SP2: variants seen among roughly 807,000 people sequenced by gnomAD.
SP2 encodes the protein transcription factor Sp2.
SP2 carries 9 observed loss-of-function variants against 50.1 expected under a neutral mutation model. The observed-to-expected ratio is 0.18, with a 90% CI of 0.11 to 0.31. The LOEUF (loss-of-function observed/expected upper bound fraction) is 0.31, where lower values mean the gene tolerates loss of function less well. SP2 is among the 10% of genes least tolerant of loss of function. SP2 has a pLI of 1.00. For synonymous variants in SP2, 313 were observed against 326.6 expected (o/e 0.96, Z 0.45); for missense variants, 581 against 806.5 (o/e 0.72, Z 3.39).
intron 1 of SP2, among the ~76,000 whole-genome samples, chr17:47,911,453 C>T (rs1391566218): frequency 2.7e-5 from 4 of 146,268 alleles, no homozygotes; most frequent in Non-Finnish European, 5.9e-5. Context: ...GCAGAGGTTG[C>T]AGTGAACCAA....
chr17:47,900,091 C>A (rs886667101), intron 1 of SP2: 1 of 152,240 alleles, frequency 6.6e-6, no homozygotes, highest in African/African-American at 2.4e-5. Context: ...CTCTGAGATA[C>A]CAGTTTGTCC....
chr17:47,915,701 G>A (rs571062049), intron 2 of SP2, among the ~76,000 whole-genome samples: 6 of 152,060 alleles, frequency 3.9e-5, no homozygotes, highest in Middle Eastern at 3.2e-3. Flanking sequence ...TACATGTTCC[G>A]AGTACTAAAA....
At chr17:47,924,534 T>C (rs1320557716) in intron 4 of SP2, among the ~76,000 whole-genome samples, 1 of 152,194 alleles carries the variant, frequency 6.6e-6, no homozygotes, top group Non-Finnish European at 1.5e-5. Context: ...AAGAAATGTC[T>C]TAAGACCCTT....
chr17:47,902,893 T>A (rs924597760), intron 1 of SP2, among the ~76,000 whole-genome samples: 1 of 152,172 alleles, frequency 6.6e-6, no homozygotes. Flanking sequence ...GGAGCTGGGA[T>A]TACAGGCGGG....
At chr17:47,903,830 G>A (rs1028657189) in intron 1 of SP2, among the ~76,000 whole-genome samples, 2 of 152,030 alleles carry the variant, frequency 1.3e-5, no homozygotes, top group Non-Finnish European at 2.9e-5. Flanking sequence ...CGGGCGTGGT[G>A]GCACACGCCT....
At chr17:47,923,813 T>A (rs1450055251) in intron 4 of SP2, among the ~76,000 whole-genome samples, 2 of 151,914 alleles carry the variant, frequency 1.3e-5, no homozygotes, top group Admixed American at 6.6e-5. Flanking sequence ...GTGCGATCTC[T>A]GCTTCAGCCT....
rs777589552 is a variant in SP2, at chr17:47,927,863, C to G, written c.*39C>G. ...GGGAGGCCCTGAAGATGCAGTCCCC[C>G]ACCTGTGTCCTCCCTGGGCCCCTGG... is the stretch of plus-strand genomic sequence containing the variant. On this transcript the variant is annotated 3_prime_UTR_variant, in exon 7 of 7. Transcript: ENST00000376741. The G allele has an allele frequency of 7.3e-6, 9 of 1,233,934 alleles. No homozygotes were observed. Among genetic ancestry groups the G allele is most frequent in the Admixed American group, 2.0e-5 (1 of 50,884 alleles). 76.4% of individuals were successfully genotyped at this position (1,233,934 alleles called of 1,614,324 possible).
intron 5 of SP2, 74 bp from the exon 6 acceptor site, chr17:47,925,274 G>C: frequency 6.8e-7 from 1 of 1,479,726 alleles, no homozygotes; most frequent in Non-Finnish European, 9.3e-7. Context: ...ACTGCATCCT[G>C]TTCCTGCCCC....
intron 1 of SP2, chr17:47,909,616 A>T: frequency 1.5e-6 from 1 of 674,592 alleles, no homozygotes; most frequent in Non-Finnish European, 1.8e-6. Context: ...ATAAATTATT[A>T]GAGCCTCACA....
rs538684782 is a variant in SP2 at position 47,902,739 on chromosome 17, A to G, written c.7+6446A>G. On this transcript the variant is annotated intron_variant, in intron 1 of 6. Transcript: ENST00000376741. ...AATATCGGGAGCACTGTTTGGGGCT[A>G]GTTAGATTTTTGTTTTGTTTTGTTT... 1.1e-4 allele frequency among the ~76,000 whole-genome samples: 16 copies of G among 152,212 alleles called. No individual in the cohort carries two copies. In the South Asian group the frequency reaches 2.9e-3, roughly 28 times the overall value.
intron 1 of SP2, chr17:47,898,788 G>A (rs1432762675): frequency 6.6e-6 from 1 of 152,208 alleles, no homozygotes; most frequent in African/African-American, 2.4e-5. Context: ...ACACTTCTGA[G>A]TTTACAAGAT....
chr17:47,930,121 A>C (rs1331140136), downstream of SP2: 2 of 152,312 alleles, frequency 1.3e-5, no homozygotes, highest in Non-Finnish European at 2.9e-5. Context: ...TTGACACAGA[A>C]GCCTCTTCCT....
chr17:47,911,565 T>C (rs148511946), intron 1 of SP2, among the ~76,000 whole-genome samples: 2 of 151,518 alleles, frequency 1.3e-5, no homozygotes, highest in African/African-American at 4.8e-5. Flanking sequence ...TCCCAGCACT[T>C]TGGGAGGCCA....
chr17:47,926,107 G>C (rs1357792465), intron 6 of SP2, among the ~76,000 whole-genome samples: 1 of 151,326 alleles, frequency 6.6e-6, no homozygotes, highest in Non-Finnish European at 1.5e-5. Flanking sequence ...AGTAGAGACG[G>C]GGTTTCACCA....
chr17:47,927,656 C>T, intron 6 of SP2, 68 bp from the exon 7 acceptor site: 1 of 1,095,624 alleles, frequency 9.1e-7, no homozygotes, highest in Admixed American at 2.0e-5. Flanking sequence ...CACACGCACC[C>T]CACCTTTTTG....
At chr17:47,902,490 C>T (rs548032709) in intron 1 of SP2, among the ~76,000 whole-genome samples, 7 of 152,128 alleles carry the variant, frequency 4.6e-5, no homozygotes, top group South Asian at 2.1e-4. Context: ...GAGGTTAATC[C>T]GTGGGAGACA....
intron 1 of SP2, among the ~76,000 whole-genome samples, chr17:47,911,111 A>G (rs1208241338): frequency 6.6e-6 from 1 of 152,088 alleles, no homozygotes; most frequent in Non-Finnish European, 1.5e-5. Context: ...CAGTGGTCCC[A>G]GCTACTTGGG....
chr17:47,907,140 T>A (rs1000243325), intron 1 of SP2, among the ~76,000 whole-genome samples: 1 of 152,000 alleles, frequency 6.6e-6, no homozygotes, highest in African/African-American at 2.4e-5. Flanking sequence ...CCAGGGTGGA[T>A]GTCCTAATGC....
chr17:47,916,785 C>T lies in SP2; in HGVS notation c.714C>T (p.Thr238=). The T allele has an allele frequency of 6.2e-7, 1 of 1,614,068 alleles. No individual in the cohort carries two copies. The highest frequency in any genetic ancestry group is 8.5e-7 in the Non-Finnish European group (1 of 1,179,920). ...AGCTCCTCACTGAAAGCCCCCCAAC[C>T]CCGCTGTCTAAGACTAACAAGAAAG... ...PTQLLTESPP[T]PLSKTNKKAR... The change falls in exon 3 of 7, where the codon ACC becomes ACT. Residue 238 remains threonine (T), a synonymous_variant. Coordinates refer to ENST00000376741, the MANE Select transcript of SP2 (RefSeq NM_003110.6). This position sits in a 1 kb window ranked among gnomAD's most constrained non-coding sequence, Gnocchi z 4.7.
Sources: gnomAD v4.1 joint callset for allele counts (sites outside exome capture counted in the v4.1 genomes callset) on GRCh38, gnomAD v4.1.1 for gene constraint, Gnocchi (gnomAD v3.1) non-coding constraint, MANE v1.5 for transcripts, NCBI Gene and HGNC (gene_info 2026-07-23, HGNC 2026-07-21) for gene names.